Variants in ADGRB3 observed in about 807,000 individuals in gnomAD.
ADGRB3 encodes brain-specific angiogenesis inhibitor 3.
A neutral mutation model predicts 193.4 loss-of-function variants in ADGRB3; 37 were observed. The observed-to-expected ratio is 0.19, with a 90% confidence interval of 0.15 to 0.25. ADGRB3 has a LOEUF of 0.25. Ranked by LOEUF, ADGRB3 falls within the 10% of genes least tolerant of loss-of-function variation. The pLI is 1.00. For missense variants in ADGRB3, 1,637 were observed against 1,852.9 expected, an observed-to-expected ratio of 0.88 and a Z score of 2.14; for synonymous variants, 690 against 644.2, an observed-to-expected ratio of 1.07 and a Z score of -1.08.
At chr6:69,074,761 G>T (rs1347577931) in intron 16 of ADGRB3, among the ~76,000 whole-genome samples, 1 of 151,900 alleles carries the variant, frequency 6.6e-6, no homozygotes, top group Non-Finnish European at 1.5e-5. Context: ...TAGCCAGGAT[G>T]GTCTCAATCT....
At chr6:68,996,082 G>C (rs1289168430) in intron 11 of ADGRB3, among the ~76,000 whole-genome samples, 1 of 152,104 alleles carries the variant, frequency 6.6e-6, no homozygotes, top group Admixed American at 6.6e-5. Context: ...AGCAACTCAG[G>C]ATTAATGTGG....
At chr6:69,122,155 G>A (rs1773720404) in intron 17 of ADGRB3, among the ~76,000 whole-genome samples, 1 of 151,958 alleles carries the variant, frequency 6.6e-6, no homozygotes, top group Non-Finnish European at 1.5e-5. Context: ...CTCCAGCCTG[G>A]GCAACAGTGA....
intron 3 of ADGRB3, among the ~76,000 whole-genome samples, chr6:68,884,481 A>G (rs1305482803): frequency 6.6e-6 from 1 of 152,292 alleles, no homozygotes; most frequent in African/African-American, 2.4e-5. Context: ...GTGAGAAAAA[A>G]TTAGTTGAAA....
At chr6:68,765,537 G>GACACACACACACACACACAC (rs59919588) in intron 3 of ADGRB3, among the ~76,000 whole-genome samples, 2 of 143,462 alleles carry the variant, frequency 1.4e-5, no homozygotes, top group Admixed American at 7.0e-5. Flanking sequence ...TATTCTTATA[G>GACACACACACACACACACAC]ACACACACAC....
intron 17 of ADGRB3, among the ~76,000 whole-genome samples, chr6:69,077,922 G>A (rs1415668648): frequency 1.3e-5 from 2 of 151,862 alleles, no homozygotes; most frequent in Non-Finnish European, 2.9e-5. Context: ...TCGCTAGATT[G>A]TTTCATTATT....
At chr6:68,797,854 T>G (rs770849602) in intron 3 of ADGRB3, among the ~76,000 whole-genome samples, 29 of 152,294 alleles carry the variant, frequency 1.9e-4, no homozygotes, top group Non-Finnish European at 3.2e-4. Flanking sequence ...AGATCTTAAG[T>G]AGGGAAACTA....
At chr6:68,744,083 T>C (rs1766034614) in intron 3 of ADGRB3, among the ~76,000 whole-genome samples, 1 of 152,048 alleles carries the variant, frequency 6.6e-6, no homozygotes, top group Non-Finnish European at 1.5e-5. Flanking sequence ...TGAGTGAAAT[T>C]TGACAAGTAG....
intron 20 of ADGRB3, among the ~76,000 whole-genome samples, chr6:69,285,610 G>C (rs910979652): frequency 2.6e-5 from 4 of 152,072 alleles, no homozygotes; most frequent in Non-Finnish European, 2.9e-5. Flanking sequence ...GGCAGAAGTT[G>C]CAGTGAGCCA....
At chr6:69,242,427 ATTATTTGATAC>A (rs1350659556) in intron 20 of ADGRB3, among the ~76,000 whole-genome samples, 1 of 151,834 alleles carries the variant, frequency 6.6e-6, no homozygotes, top group African/African-American at 2.4e-5. Flanking sequence ...TGATGAAGAA[ATTATTTGATAC>A]TGCTTCAGTG....
intron 3 of ADGRB3, among the ~76,000 whole-genome samples, chr6:68,641,038 A>G (rs1768072332): frequency 6.6e-6 from 1 of 152,218 alleles, no homozygotes. Context: ...AAAACTAATT[A>G]GTGTCCCCTA....
At chr6:68,930,771 G>A in intron 4 of ADGRB3, 102 bp downstream of exon 4, 1 of 953,260 alleles carries the variant, frequency 1.0e-6, no homozygotes, top group Admixed American at 3.2e-5. Context: ...TTTTGGAGCT[G>A]ATATTTTTTC....
At chr6:69,165,892 G>A (rs781603792) in intron 17 of ADGRB3, among the ~76,000 whole-genome samples, 100 of 151,798 alleles carry the variant, frequency 6.6e-4, no homozygotes, top group Non-Finnish European at 5.2e-4. Flanking sequence ...GAGGCACAAG[G>A]GACTAAATTT....
intron 3 of ADGRB3, among the ~76,000 whole-genome samples, chr6:68,759,010 C>G (rs149019179): frequency 3.3e-5 from 5 of 152,086 alleles, no homozygotes; most frequent in African/African-American, 1.2e-4. Flanking sequence ...GTCCAGAATA[C>G]GAAATGGTAG....
intron 3 of ADGRB3, among the ~76,000 whole-genome samples, chr6:68,894,867 AT>A (rs561882795): frequency 6.6e-5 from 10 of 151,932 alleles, no homozygotes; most frequent in East Asian, 1.9e-4. Flanking sequence ...TGAATGAGCT[AT>A]TTTTTTAAAA....
chr6:69,235,633 G>A (rs1766246058), intron 19 of ADGRB3, among the ~76,000 whole-genome samples: 1 of 151,988 alleles, frequency 6.6e-6, no homozygotes, highest in African/African-American at 2.4e-5. Flanking sequence ...ATATATTCCA[G>A]AAAATGCCTG....
At chr6:68,826,176 T>C (rs758497375) in intron 3 of ADGRB3, among the ~76,000 whole-genome samples, 4 of 152,068 alleles carry the variant, frequency 2.6e-5, no homozygotes, top group Non-Finnish European at 5.9e-5. Context: ...AGGGGCAAGA[T>C]AACAATTAAA....
intron 13 of ADGRB3, among the ~76,000 whole-genome samples, chr6:69,045,239 A>G (rs1562135624): frequency 6.6e-6 from 1 of 152,190 alleles, no homozygotes; most frequent in South Asian, 2.1e-4. Context: ...AAAGTCATCT[A>G]TAAATTACCT....
At chr6:69,019,634 G>T (rs756976309) in intron 13 of ADGRB3, among the ~76,000 whole-genome samples, 1 of 151,900 alleles carries the variant, frequency 6.6e-6, no homozygotes, top group Non-Finnish European at 1.5e-5. Flanking sequence ...TAGTTCAAAC[G>T]TCTGGAGACA....
chr6:68,889,026 G>A (rs1582287328), intron 3 of ADGRB3, among the ~76,000 whole-genome samples: 1 of 152,268 alleles, frequency 6.6e-6, no homozygotes, highest in East Asian at 1.9e-4. Context: ...AGACATACTT[G>A]TGTTTTGTCA....
Sources: gnomAD v4.1 joint callset for allele counts (sites outside exome capture counted in the v4.1 genomes callset) on GRCh38, gnomAD v4.1.1 for gene constraint, MANE v1.5 for transcripts, NCBI Gene and HGNC (gene_info 2026-07-23, HGNC 2026-07-21) for gene names.